The following RBM26 variants were observed in gnomAD, a reference collection of about 807,000 sequenced individuals.
The protein encoded by RBM26 is RNA binding motif protein 26, also known as RNA-binding protein 26.
RBM26 carries 30 observed loss-of-function variants against 123.6 expected under a neutral mutation model. The observed-to-expected ratio is 0.24, with a 90% CI of 0.18 to 0.33. The LOEUF (loss-of-function observed/expected upper bound fraction) is 0.33. Ranked by LOEUF, RBM26 falls within the 10% of genes least tolerant of loss-of-function variation. The probability of loss-of-function intolerance (pLI) is 1.00; values close to 1 mark genes in which losing one functional copy is unlikely to be tolerated. For synonymous variants in RBM26, 400 were observed against 404.4 expected, an observed-to-expected ratio of 0.99 and a Z score of 0.13; for missense variants, 947 against 1,203.6, an observed-to-expected ratio of 0.79 and a Z score of 3.15.
chr13:79,314,703 T>C (rs1202953297), downstream of RBM26: 1 of 174,862 alleles, frequency 5.7e-6, no homozygotes, highest in African/African-American at 2.4e-5. Context: ...CAAGAGAACT[T>C]TTTCGTTCCT....
intron 1 of RBM26, among the ~76,000 whole-genome samples, chr13:79,395,400 T>G (rs1288396564): frequency 1.3e-5 from 2 of 151,994 alleles, no homozygotes; most frequent in Admixed American, 6.6e-5. Flanking sequence ...AAAATCTGAA[T>G]CAGAAATAAC....
At chr13:79,331,695 G>C (rs2069442177) in intron 20 of RBM26, among the ~76,000 whole-genome samples, 1 of 151,750 alleles carries the variant, frequency 6.6e-6, no homozygotes, top group African/African-American at 2.4e-5. Flanking sequence ...TTTTTGTTCT[G>C]ATTCTTCTAA....
Position 79,319,664 on chromosome 13 carries a change from C to T in RBM26, c.*957G>A, listed in dbSNP as rs2067461544. 3 of 984,094 alleles carry T rather than the reference C, an allele frequency of 3.0e-6. No individual in the cohort carries two copies. Among genetic ancestry groups the T allele is most frequent in the Non-Finnish European group, 3.6e-6 (3 of 829,092 alleles). The allele number at this position is 984,094 out of a possible 1,614,324, so 61.0% of individuals were successfully genotyped here. On this transcript the variant is annotated 3_prime_UTR_variant, in exon 22 of 22. Coordinates refer to ENST00000438737, the MANE Select transcript of RBM26 (RefSeq NM_001366735.2). ...TCTTATTCACCAAATGTTAGCTCTA[C>T]TTGCAGTCTGGTTCCAAACTAATCA...
intron 3 of RBM26, 105 bp from the exon 4 acceptor site, chr13:79,372,035 C>G: frequency 1.3e-6 from 1 of 741,462 alleles, no homozygotes; most frequent in African/African-American, 1.8e-5. Context: ...AATGCCAGCA[C>G]TTTGGGAGGC....
chr13:79,341,661 G>A (rs557756400), intron 17 of RBM26, among the ~76,000 whole-genome samples: 1 of 151,874 alleles, frequency 6.6e-6, no homozygotes, highest in East Asian at 1.9e-4. Flanking sequence ...TGACCTATAA[G>A]GGATGGGTGG....
At chr13:79,405,288 A>G (rs1042134947) in intron 1 of RBM26, among the ~76,000 whole-genome samples, 6 of 152,256 alleles carry the variant, frequency 3.9e-5, no homozygotes, top group Non-Finnish European at 8.8e-5. Flanking sequence ...TTCAGGAATT[A>G]TATTTAGGTG....
intron 20 of RBM26, among the ~76,000 whole-genome samples, chr13:79,324,811 T>C (rs1259920751): frequency 1.3e-5 from 2 of 151,986 alleles, no homozygotes; most frequent in Non-Finnish European, 2.9e-5. Flanking sequence ...CCAATTTAAT[T>C]TATTTGGATA....
At chr13:79,393,344 G>A (rs956949292) in intron 1 of RBM26, among the ~76,000 whole-genome samples, 1 of 152,170 alleles carries the variant, frequency 6.6e-6, no homozygotes, top group African/African-American at 2.4e-5. Flanking sequence ...TGCCCACTTG[G>A]CCCTCTTCCA....
At position 79,405,903 on chromosome 13, in the gene RBM26, G is replaced by C. The variant is rs1259759641; in HGVS notation, c.-129C>G. 1 of 409,248 alleles carries C rather than the reference G, an allele frequency of 2.4e-6. No homozygotes were observed. Among genetic ancestry groups the C allele is most frequent in the Non-Finnish European group, 4.1e-6 (1 of 244,350 alleles). The allele number at this position is 409,248 out of a possible 1,614,324, so 25.4% of individuals were successfully genotyped here. A position where few individuals can be genotyped will look rare whatever the true frequency, so the allele number is the denominator to read the frequency against. The stretch of plus-strand genomic sequence containing the variant: ...CCGCGGTGGGAGGCGCCGGTGGCAG[G>C]TTCCCGCGGGCCCCGGTCGGCGAAC... On this transcript the variant is annotated 5_prime_UTR_variant, in exon 1 of 22. Coordinates refer to ENST00000438737, the MANE Select transcript of RBM26 (RefSeq NM_001366735.2).
chr13:79,327,013 A>T (rs2068528023), intron 20 of RBM26, among the ~76,000 whole-genome samples: 1 of 152,234 alleles, frequency 6.6e-6, no homozygotes, highest in South Asian at 2.1e-4. Flanking sequence ...ATCCATTTCT[A>T]GCCTGGGCGT....
At position 79,323,771 on chromosome 13, in the gene RBM26, A is replaced by G. The variant is rs1255194596; in HGVS notation, c.2821-1309T>C. Among the ~76,000 whole-genome samples the G allele has an allele frequency of 7.2e-5, 11 of 151,836 alleles. No individual in the cohort carries two copies. The East Asian group carries it at 1.5e-3, about 21-fold the overall frequency. On this transcript the variant is annotated intron_variant, in intron 20 of 21. Transcript: ENST00000438737. Reference sequence around the variant, plus strand: ...CTATAAGATGAGGCTACAACTTTCTAAAGTTTCAACTTTAATTACAAAATG... The same window carrying G: ...CTATAAGATGAGGCTACAACTTTCTGAAGTTTCAACTTTAATTACAAAATG...
At chr13:79,345,163 GAGGAA>G (rs2072103503) in intron 14 of RBM26, among the ~76,000 whole-genome samples, 1 of 152,064 alleles carries the variant, frequency 6.6e-6, no homozygotes, top group Non-Finnish European at 1.5e-5. Context: ...CATGGCACAG[GAGGAA>G]ACTGGTTGCT....
intron 20 of RBM26, among the ~76,000 whole-genome samples, chr13:79,329,673 T>C (rs947220565): frequency 6.6e-6 from 1 of 152,162 alleles, no homozygotes. Context: ...TTTGTACCCA[T>C]AAAATGTTTA....
chr13:79,332,967 T>C (rs989277495), intron 20 of RBM26, among the ~76,000 whole-genome samples: 2 of 152,128 alleles, frequency 1.3e-5, no homozygotes, highest in African/African-American at 4.8e-5. Flanking sequence ...ATCTGAACCA[T>C]TTGTACAGTA....
At position 79,320,098 on chromosome 13, in the gene RBM26, A is replaced by T. The variant is rs1313400054; in HGVS notation, c.*523T>A. 4.1e-6 allele frequency: 4 copies of T among 975,738 alleles called. No individual in the cohort carries two copies. The highest frequency in any genetic ancestry group is 4.9e-6 in the Non-Finnish European group (4 of 821,496). 60.4% of individuals were successfully genotyped at this position (975,738 alleles called of 1,614,324 possible). On this transcript the variant is annotated 3_prime_UTR_variant, in exon 22 of 22. Transcript: ENST00000438737. ...CCATTATCATTAAAACCCATATGGT[A>T]AAATACATACACAGTCCAACAAAAG...
At chr13:79,341,278 T>C in intron 17 of RBM26, 51 bp from the exon 18 acceptor site, 1 of 1,166,776 alleles carries the variant, frequency 8.6e-7, no homozygotes, top group Non-Finnish European at 1.3e-6. Flanking sequence ...TATCCTGTAT[T>C]GATACAAACC....
chr13:79,320,547 T>C lies in RBM26; in HGVS notation c.*74A>G, dbSNP rs959508937. The C allele has an allele frequency of 1.5e-6, 2 of 1,329,184 alleles. No individual in the cohort carries two copies. Among genetic ancestry groups the C allele is most frequent in the South Asian group, 2.4e-5 (1 of 42,188 alleles). 82.3% of individuals were successfully genotyped at this position (1,329,184 alleles called of 1,614,324 possible). On this transcript the variant is annotated 3_prime_UTR_variant, in exon 22 of 22. Coordinates refer to ENST00000438737, the MANE Select transcript of RBM26 (RefSeq NM_001366735.2). ...TTACCAAAAATTGTTTTTACAAATA[T>C]GTAAAAGTACATTAGATAATACTAA...
At chr13:79,328,927 T>C (rs1430692669) in intron 20 of RBM26, among the ~76,000 whole-genome samples, 2 of 151,802 alleles carry the variant, frequency 1.3e-5, no homozygotes. Flanking sequence ...TACATACCTA[T>C]GGATTTTTTT....
chr13:79,331,132 T>C (rs2069252464), intron 20 of RBM26, among the ~76,000 whole-genome samples: 1 of 152,056 alleles, frequency 6.6e-6, no homozygotes, highest in African/African-American at 2.4e-5. Flanking sequence ...CACCTTAGCC[T>C]CGCAAACAGC....
Sources: gnomAD v4.1 joint callset for allele counts (sites outside exome capture counted in the v4.1 genomes callset) on GRCh38, gnomAD v4.1.1 for gene constraint, MANE v1.5 for transcripts, NCBI Gene and HGNC (gene_info 2026-07-23, HGNC 2026-07-21) for gene names.